Variants in PDE4D observed in about 807,000 individuals in gnomAD.
PDE4D encodes the protein 3',5'-cyclic-AMP phosphodiesterase 4D.
A neutral mutation model predicts 87.4 loss-of-function variants in PDE4D; 24 were observed. The ratio of observed to expected loss-of-function variants is 0.27; its 90% CI spans 0.20 to 0.39. The LOEUF (loss-of-function observed/expected upper bound fraction) is 0.39. PDE4D is among the 10% of genes least tolerant of loss of function. The pLI is 1.00. For synonymous variants in PDE4D, 384 were observed against 383.2 expected (o/e 1.00, Z -0.02); for missense variants, 714 against 1,041.0 (o/e 0.69, Z 4.32).
At chr5:60,472,760 C>G (rs1186846487) in intron 1 of PDE4D, among the ~76,000 whole-genome samples, 1 of 152,138 alleles carries the variant, frequency 6.6e-6, no homozygotes, top group Admixed American at 6.6e-5. Flanking sequence ...AAAGTAAACA[C>G]ATTTGGTAGA....
intron 1 of PDE4D, among the ~76,000 whole-genome samples, chr5:59,499,916 A>G (rs1311685483): frequency 6.6e-6 from 1 of 152,048 alleles, no homozygotes; most frequent in Non-Finnish European, 1.5e-5. Flanking sequence ...AGGAACTCCT[A>G]ATTCAAAACC....
chr5:59,042,652 C>G (rs1218477040), intron 5 of PDE4D, among the ~76,000 whole-genome samples: 1 of 152,160 alleles, frequency 6.6e-6, no homozygotes, highest in Admixed American at 6.5e-5. Context: ...TGGGAGAGGG[C>G]TATGGAACAG....
chr5:59,546,181 CA>C (rs1194330819), intron 1 of PDE4D, among the ~76,000 whole-genome samples: 16 of 151,946 alleles, frequency 1.1e-4, no homozygotes, highest in African/African-American at 3.6e-4. Context: ...TTTAGGAGCT[CA>C]TAGAAATGTT....
intron 2 of PDE4D, among the ~76,000 whole-genome samples, chr5:60,136,953 C>T (rs990450051): frequency 1.3e-5 from 2 of 152,044 alleles, no homozygotes; most frequent in Non-Finnish European, 2.9e-5. Context: ...TTGATCCTCT[C>T]CCTCCTCTCA....
chr5:59,768,546 GGGCAA>G, intron 1 of PDE4D: 1 of 1,593,010 alleles, frequency 6.3e-7, no homozygotes, highest in Admixed American at 1.7e-5. Context: ...CAAGAATCCA[GGGCAA>G]CGTGGTTCCC....
intron 1 of PDE4D, among the ~76,000 whole-genome samples, chr5:59,883,913 C>T (rs898106276): frequency 2.6e-5 from 4 of 152,078 alleles, no homozygotes; most frequent in Middle Eastern, 3.4e-3. Context: ...TTTTATGAAA[C>T]GCAATCCTTT....
chr5:59,688,603 C>T (rs1750329141), intron 1 of PDE4D, among the ~76,000 whole-genome samples: 1 of 152,036 alleles, frequency 6.6e-6, no homozygotes, highest in Non-Finnish European at 1.5e-5. Flanking sequence ...ACTAAATTCC[C>T]ACAAGAGAAA....
At chr5:59,210,580 A>G (rs1167275463) in intron 2 of PDE4D, among the ~76,000 whole-genome samples, 3 of 152,348 alleles carry the variant, frequency 2.0e-5, no homozygotes, top group Admixed American at 6.5e-5. Flanking sequence ...AGATATCTGT[A>G]TAGTGCCTGG....
intron 1 of PDE4D, among the ~76,000 whole-genome samples, chr5:59,807,180 T>C (rs893486516): frequency 6.6e-6 from 1 of 152,122 alleles, no homozygotes; most frequent in East Asian, 1.9e-4. Context: ...TCAATACCCC[T>C]CTTAGACCAG....
intron 3 of PDE4D, among the ~76,000 whole-genome samples, chr5:59,967,564 C>T (rs1451678333): frequency 6.6e-6 from 1 of 152,150 alleles, no homozygotes; most frequent in African/African-American, 2.4e-5. Context: ...CCATCTCACA[C>T]CAGTCAGGAT....
intron 1 of PDE4D, among the ~76,000 whole-genome samples, chr5:60,337,374 T>TACACACACAC (rs1308199009): frequency 8.5e-5 from 10 of 118,142 alleles, no homozygotes; most frequent in African/African-American, 3.4e-4. Flanking sequence ...TATATATATA[T>TACACACACAC]ATATATATAT....
chr5:59,514,247 A>G (rs6450520), intron 1 of PDE4D, among the ~76,000 whole-genome samples: 36,199 of 151,636 alleles, frequency 0.24, 5,734 homozygotes, highest in African/African-American at 0.46. Flanking sequence ...CTGGGACTAC[A>G]GGCGCCCGCC....
chr5:60,476,893 C>T (rs1748376838), intron 1 of PDE4D, among the ~76,000 whole-genome samples: 1 of 152,178 alleles, frequency 6.6e-6, no homozygotes, highest in South Asian at 2.1e-4. Flanking sequence ...TGTTTAATGT[C>T]TGTCAATCCC....
chr5:60,481,142 G>A (rs1364029599), intron 1 of PDE4D, among the ~76,000 whole-genome samples: 1 of 152,022 alleles, frequency 6.6e-6, no homozygotes, highest in Non-Finnish European at 1.5e-5. Context: ...TTTATAGGAG[G>A]AAAATAATTT....
chr5:59,559,336 C>A lies in PDE4D; in HGVS notation c.455+333832G>T, dbSNP rs79882302. Among the ~76,000 whole-genome samples, 636 of 152,272 alleles carry A rather than the reference C, an allele frequency of 4.2e-3. 5 individuals are homozygous for A. The highest frequency in any genetic ancestry group is 0.014 in the African/African-American group (594 of 41,554). On this transcript the variant is annotated intron_variant, in intron 1 of 14. Transcript: ENST00000340635. ...CAGCTTGAAAATAGTATAATTCTTT[C>A]TTCACATGAGCCATGTTATGATTTC... is the stretch of plus-strand genomic sequence containing the variant.
intron 2 of PDE4D, among the ~76,000 whole-genome samples, chr5:60,012,547 C>T (rs1031595934): frequency 6.6e-6 from 1 of 152,102 alleles, no homozygotes; most frequent in Non-Finnish European, 1.5e-5. Context: ...CCGGCAATTC[C>T]GATTTCCCTC....
At chr5:60,219,446 C>T (rs767197813) in intron 1 of PDE4D, among the ~76,000 whole-genome samples, 8 of 152,152 alleles carry the variant, frequency 5.3e-5, no homozygotes, top group Non-Finnish European at 7.4e-5. Context: ...TCATTTTCCT[C>T]ATTCAAGAAG....
At chr5:59,231,650 A>T (rs1430364434) in intron 1 of PDE4D, among the ~76,000 whole-genome samples, 3 of 152,222 alleles carry the variant, frequency 2.0e-5, no homozygotes, top group African/African-American at 7.2e-5. Flanking sequence ...CATTCAACAC[A>T]GTGCGTTCCA....
chr5:59,642,491 A>G (rs906459827), intron 1 of PDE4D, among the ~76,000 whole-genome samples: 5 of 151,972 alleles, frequency 3.3e-5, no homozygotes, highest in African/African-American at 1.2e-4. Flanking sequence ...ATCATGGGGG[A>G]AGTTTCCCCT....
Sources: gnomAD v4.1 joint callset for allele counts (sites outside exome capture counted in the v4.1 genomes callset) on GRCh38, gnomAD v4.1.1 for gene constraint, MANE v1.5 for transcripts, NCBI Gene and HGNC (gene_info 2026-07-23, HGNC 2026-07-21) for gene names.